The following ADCY1 variants were observed in gnomAD, a reference collection of about 807,000 sequenced individuals.
ADCY1 encodes adenylate cyclase type 1.
A neutral mutation model predicts 105.4 loss-of-function variants in ADCY1; 28 were observed. The ratio of observed to expected loss-of-function variants is 0.27; its 90% CI spans 0.20 to 0.36. The LOEUF is 0.36. Among genes scored for constraint, ADCY1 ranks in the 10% least tolerant of loss-of-function variants. ADCY1 has a pLI of 1.00. For missense variants in ADCY1, 977 were observed against 1,434.2 expected (o/e 0.68, Z 5.15); for synonymous variants, 655 against 623.8 (o/e 1.05, Z -0.75).
At chr7:45,657,967 G>T in intron 6 of ADCY1, 82 bp downstream of exon 6, 2 of 1,468,862 alleles carry the variant, frequency 1.4e-6, no homozygotes, top group Non-Finnish European at 1.8e-6. Context: ...TTCAGGTTCT[G>T]GGCTGTGCTC....
At chr7:45,631,606 C>T (rs1209258585) in intron 4 of ADCY1, among the ~76,000 whole-genome samples, 3 of 152,152 alleles carry the variant, frequency 2.0e-5, no homozygotes, top group African/African-American at 7.2e-5. Flanking sequence ...AAACATCATC[C>T]ACAAAAAGTC....
intron 2 of ADCY1, among the ~76,000 whole-genome samples, chr7:45,593,619 GTGCCTTCACTGGAAGGATCT>G (rs1792989494): frequency 6.6e-6 from 1 of 152,220 alleles, no homozygotes. Context: ...CACATTCCAG[GTGCCTTCACTGGAAGGATCT>G]AGATTCTTCC....
chr7:45,589,746 G>A (rs1792852669), intron 1 of ADCY1, among the ~76,000 whole-genome samples: 1 of 152,136 alleles, frequency 6.6e-6, no homozygotes, highest in African/African-American at 2.4e-5. Context: ...CCCTACTGAA[G>A]TGTCCTTTCT....
chr7:45,629,567 G>A (rs904987081), intron 4 of ADCY1, among the ~76,000 whole-genome samples: 21 of 150,608 alleles, frequency 1.4e-4, no homozygotes, highest in South Asian at 4.2e-4. Context: ...GCCGGACTGC[G>A]GACTGCAGTG....
At position 45,663,744 on chromosome 7, in the gene ADCY1, G is replaced by A. The variant is rs143086571; in HGVS notation, c.1605+1530G>A. Among the ~76,000 whole-genome samples the A allele has an allele frequency of 7.3e-3, 1,106 of 152,176 alleles. 12 individuals are homozygous for A. The highest frequency in any genetic ancestry group is 0.025 in the African/African-American group (1,046 of 41,510). On this transcript the variant is annotated intron_variant, in intron 8 of 19. Transcript: ENST00000297323. ...TGAGGCAGGAGAATCGCTTTAACCCGGGAGGTGGAGGTTGCAGTGAGCCGA... is the reference window on the plus strand; with the variant it reads ...TGAGGCAGGAGAATCGCTTTAACCCAGGAGGTGGAGGTTGCAGTGAGCCGA...
chr7:45,644,732 C>G (rs1436725329), intron 4 of ADCY1, among the ~76,000 whole-genome samples: 1 of 152,140 alleles, frequency 6.6e-6, no homozygotes, highest in Non-Finnish European at 1.5e-5. Context: ...GCAGTGGACT[C>G]TAGGTGCTGA....
At chr7:45,678,141 A>G (rs1351559994) in intron 9 of ADCY1, 25 bp from the exon 10 acceptor site, 1 of 1,613,996 alleles carries the variant, frequency 6.2e-7, no homozygotes, top group South Asian at 1.1e-5. Flanking sequence ...CTCAGCCCTG[A>G]TGGATTGACT....
At chr7:45,640,374 A>C (rs1478911240) in intron 4 of ADCY1, among the ~76,000 whole-genome samples, 1 of 152,248 alleles carries the variant, frequency 6.6e-6, no homozygotes, top group African/African-American at 2.4e-5. Flanking sequence ...AGTTACAGAC[A>C]AAATCATAAA....
In ADCY1 at chr7:45,722,953, G is replaced by A. The variant is rs1050005853; in HGVS notation, c.*8958G>A. 3.3e-5 allele frequency: 5 copies of A among 152,582 alleles called. No homozygotes were observed. Among genetic ancestry groups the A allele is most frequent in the African/African-American group, 9.7e-5 (4 of 41,420 alleles). The allele number at this position is 152,582 out of a possible 1,614,324, so 9.5% of individuals were successfully genotyped here. A position where few individuals can be genotyped will look rare whatever the true frequency, so the allele number is the denominator to read the frequency against. ...TTTCAAGATTGTTAAATTGAGACAA[G>A]TAATTGAATAATTTGTCCTATTTTT... On this transcript the variant is annotated 3_prime_UTR_variant, in exon 20 of 20. Coordinates refer to ENST00000297323, the MANE Select transcript of ADCY1 (RefSeq NM_021116.4).
chr7:45,574,841 G>C lies in ADCY1; in HGVS notation c.298G>C (p.Val100Leu), dbSNP rs764052766. 6.2e-7 allele frequency: 1 copy of C among 1,610,874 alleles called. No homozygotes were observed. The highest frequency in any genetic ancestry group is 8.5e-7 in the Non-Finnish European group (1 of 1,179,528). Residue 100 changes from valine (V) to leucine (L), a missense_variant, in exon 1 of 20, where the codon GTC (valine) becomes CTC (leucine). Around this residue, in one of 7 missense-constraint regions of ADCY1, gnomAD observed 209 missense variants for 222.5 expected, o/e 0.94. Transcript: ENST00000297323. The surrounding 1 kb of genome is among the most constrained non-coding windows in gnomAD (Gnocchi z 7.0). ...CAAGGGCTCACACCCGGTGCACTGC[G>C]TCCTCTTCCTGGCGCTGCTCGTGGT... ...LAKGSHPVHCVLFLALLVVTN... is the reference protein window; with the variant it reads ...LAKGSHPVHCLLFLALLVVTN...
Position 45,718,615 on chromosome 7 carries a change from G to T in ADCY1, c.*4620G>T. On this transcript the variant is annotated 3_prime_UTR_variant, in exon 20 of 20. Transcript: ENST00000297323. Reference sequence around the variant, plus strand: ...CAGGCAGGAGATGCTGCAGGCAGGTGTCCGTAGTTGGCAAAAATGGGCAGT... The same window carrying T: ...CAGGCAGGAGATGCTGCAGGCAGGTTTCCGTAGTTGGCAAAAATGGGCAGT... 1 of 152,604 alleles carries T rather than the reference G, an allele frequency of 6.6e-6. No homozygotes were observed. The highest frequency in any genetic ancestry group is 1.5e-5 in the Non-Finnish European group (1 of 68,228). The allele number at this position is 152,604 out of a possible 1,614,324, so 9.5% of individuals were successfully genotyped here. A position where few individuals can be genotyped will look rare whatever the true frequency, so the allele number is the denominator to read the frequency against.
At chr7:45,653,691 C>G (rs868246161) in intron 5 of ADCY1, among the ~76,000 whole-genome samples, 18 of 152,204 alleles carry the variant, frequency 1.2e-4, no homozygotes, top group Admixed American at 8.5e-4. Flanking sequence ...CCCTCTCCCC[C>G]ACTGGGGCTT....
At chr7:45,699,421 G>T (rs76225029) in intron 14 of ADCY1, among the ~76,000 whole-genome samples, 1 of 152,180 alleles carries the variant, frequency 6.6e-6, no homozygotes, top group Non-Finnish European at 1.5e-5. Context: ...TCAAGGAAAC[G>T]CAGATAACTG....
intron 14 of ADCY1, among the ~76,000 whole-genome samples, chr7:45,698,178 C>T (rs1784923964): frequency 6.6e-6 from 1 of 152,070 alleles, no homozygotes; most frequent in Non-Finnish European, 1.5e-5. Context: ...CACACACACA[C>T]ACACACACAC....
intron 19 of ADCY1, among the ~76,000 whole-genome samples, chr7:45,712,400 G>A (rs1785278977): frequency 6.6e-6 from 1 of 151,496 alleles, no homozygotes; most frequent in South Asian, 2.1e-4. Flanking sequence ...AACCAACATT[G>A]CATTTTTAAG....
chr7:45,587,598 T>A (rs547832114), intron 1 of ADCY1, among the ~76,000 whole-genome samples: 1 of 152,108 alleles, frequency 6.6e-6, no homozygotes, highest in Admixed American at 6.5e-5. Flanking sequence ...TGTGGGATGA[T>A]GATGTCAAAT....
intron 7 of ADCY1, among the ~76,000 whole-genome samples, chr7:45,660,481 G>A (rs1342983799): frequency 1.3e-5 from 2 of 152,238 alleles, no homozygotes; most frequent in African/African-American, 4.8e-5. Context: ...CCTGCAAAGT[G>A]GGCATGAAAC....
At chr7:45,700,716 G>A (rs1784981029) in intron 14 of ADCY1, among the ~76,000 whole-genome samples, 1 of 152,206 alleles carries the variant, frequency 6.6e-6, no homozygotes, top group Non-Finnish European at 1.5e-5. Context: ...CAGGAGGGAG[G>A]TGGGGACATC....
At chr7:45,684,734 G>A in intron 11 of ADCY1, 1 of 357,064 alleles carries the variant, frequency 2.8e-6, no homozygotes, top group East Asian at 4.5e-5. Context: ...GCAAGTGGAA[G>A]GAAGGGAAGT....
Sources: allele counts gnomAD v4.1 joint callset (sites outside exome capture counted in the v4.1 genomes callset), GRCh38; gene constraint gnomAD v4.1.1; regional missense constraint gnomAD v4.1.1; non-coding constraint Gnocchi (gnomAD v3.1); transcripts MANE v1.5; gene names NCBI Gene and HGNC (gene_info 2026-07-23, HGNC 2026-07-21).